The following FAM184B variants were observed in gnomAD, a reference collection of about 807,000 sequenced individuals.
FAM184B encodes family with sequence similarity 184 member B.
Under a neutral mutation model 135.9 loss-of-function variants are expected in FAM184B, and 111 were observed. The observed-to-expected ratio is 0.82, with a 90% confidence interval of 0.70 to 0.96. The LOEUF is 0.96. FAM184B is among the 40% of genes least tolerant of loss of function. FAM184B has a pLI of 0.00. For synonymous variants in FAM184B, 552 were observed against 524.8 expected (o/e 1.05, Z -0.71); for missense variants, 1,375 against 1,323.9 (o/e 1.04, Z -0.60).
chr4:17,713,325 G>A (rs1004847553), intron 1 of FAM184B, among the ~76,000 whole-genome samples: 9 of 152,198 alleles, frequency 5.9e-5, no homozygotes, highest in Non-Finnish European at 5.9e-5. Context: ...ATGGACAGGA[G>A]AAGGAAGTCC....
chr4:17,774,318 A>C (rs1401770972), intron 1 of FAM184B, among the ~76,000 whole-genome samples: 1 of 152,206 alleles, frequency 6.6e-6, no homozygotes, highest in Admixed American at 6.5e-5. Context: ...CAGTGAGCCC[A>C]GATTGTACCA....
chr4:17,742,158 ATATATATATATTT>A (rs1210310350), intron 1 of FAM184B, among the ~76,000 whole-genome samples: 30 of 15,940 alleles, frequency 1.9e-3, no homozygotes, highest in African/African-American at 3.2e-3. Context: ...ATATATATAT[ATATATATATATTT>A]TTTTTTTTTA....
intron 1 of FAM184B, among the ~76,000 whole-genome samples, chr4:17,727,239 C>T (rs754103166): frequency 2.0e-5 from 3 of 152,178 alleles, no homozygotes; most frequent in Non-Finnish European, 4.4e-5. Context: ...TGTACACACA[C>T]AGGGTCATGT....
chr4:17,762,899 C>T (rs1043667650), intron 1 of FAM184B, among the ~76,000 whole-genome samples: 3 of 152,164 alleles, frequency 2.0e-5, no homozygotes, highest in Non-Finnish European at 4.4e-5. Flanking sequence ...TTGGACAGAA[C>T]ACCTACTTCC....
chr4:17,660,255 G>A (rs1715883540), intron 8 of FAM184B, among the ~76,000 whole-genome samples, 168 bp from the exon 9 acceptor site: 1 of 152,166 alleles, frequency 6.6e-6, no homozygotes, highest in Non-Finnish European at 1.5e-5. Flanking sequence ...GCCATATAAA[G>A]TGTATTATTG....
At chr4:17,683,832 T>C (rs945180732) in intron 7 of FAM184B, among the ~76,000 whole-genome samples, 1 of 151,954 alleles carries the variant, frequency 6.6e-6, no homozygotes, top group African/African-American at 2.4e-5. Context: ...TCCCAGCACT[T>C]TGGGAGGTGG....
At chr4:17,690,525 G>A (rs150564201) in intron 6 of FAM184B, among the ~76,000 whole-genome samples, 33 of 152,304 alleles carry the variant, frequency 2.2e-4, no homozygotes, top group African/African-American at 7.7e-4. Context: ...TAGAGAGAAC[G>A]TGGAGGCAGA....
chr4:17,718,337 C>T lies in FAM184B; in HGVS notation c.142-8693G>A, dbSNP rs139092065. Among the ~76,000 whole-genome samples the T allele has an allele frequency of 4.9e-4, 74 of 152,120 alleles. No homozygotes were observed. The East Asian group carries it at 0.012, about 24-fold the overall frequency. On this transcript the variant is annotated intron_variant, in intron 1 of 17. Transcript: ENST00000265018. ...CCAAAGTTAAAAGAGTAGAATCATA[C>T]CTTGTTTAGAAAAAAAAAGCTGGTA...
chr4:17,738,055 G>A (rs1352055399), intron 1 of FAM184B, among the ~76,000 whole-genome samples: 5 of 152,150 alleles, frequency 3.3e-5, no homozygotes, highest in Admixed American at 1.3e-4. Context: ...AATAGACCCT[G>A]ACCCTTGGTC....
In FAM184B at chr4:17,664,481, A is replaced by G. The variant is rs78278434; in HGVS notation, c.1694+81T>C. ...GGAGCAGTGATAAATACTTGAGGAT[A>G]GAATGAATGAATGGATGAATCCTTC... On this transcript the variant is annotated intron_variant, in intron 8 of 17. Transcript: ENST00000265018. 4 of 1,113,696 alleles carry G rather than the reference A, an allele frequency of 3.6e-6. No homozygotes were observed. In the African/African-American group the frequency reaches 6.3e-5, roughly 17 times the overall value. 69.0% of individuals were successfully genotyped at this position (1,113,696 alleles called of 1,614,324 possible). A position where few individuals can be genotyped will look rare whatever the true frequency, so the allele number is the denominator to read the frequency against.
intron 5 of FAM184B, among the ~76,000 whole-genome samples, chr4:17,696,640 T>C (rs1716865638): frequency 6.6e-6 from 1 of 152,128 alleles, no homozygotes. Context: ...AGCGAGACGC[T>C]ATCTCTACGA....
chr4:17,678,041 A>G (rs563620612), intron 7 of FAM184B, among the ~76,000 whole-genome samples: 2 of 152,360 alleles, frequency 1.3e-5, no homozygotes, highest in African/African-American at 4.8e-5. Context: ...AAAGCCATCT[A>G]TGGCAAACTT....
Position 17,636,577 on chromosome 4 carries a change from C to T in FAM184B, c.2735G>A (p.Arg912His), listed in dbSNP as rs370226374. 56 of 1,550,982 alleles carry T rather than the reference C, an allele frequency of 3.6e-5. No individual in the cohort carries two copies. Among genetic ancestry groups the T allele is most frequent in the African/African-American group, 1.5e-4 (11 of 73,026 alleles). ...SRPEDLQLIG[R>H]LQTRLKERED... ...TCTCTCCTTCAGGCGGGTCTGCAGGCGGCCAATGAGCTGAAGGTCCTCGGG... is the reference window on the plus strand; with the variant it reads ...TCTCTCCTTCAGGCGGGTCTGCAGGTGGCCAATGAGCTGAAGGTCCTCGGG... Residue 912 changes from arginine to histidine, a missense_variant, in exon 15 of 18, where the codon CGC (arginine) becomes CAC (histidine). Coordinates refer to ENST00000265018, the MANE Select transcript of FAM184B (RefSeq NM_015688.2).
At position 17,705,657 on chromosome 4, in the gene FAM184B, C is replaced by T; in HGVS notation, c.1170+95G>A. ...CAGGGTCTTCTGATTCCAAGTGGAT[C>T]CACTATGCTTGGGGACTGGCCTCTA... On this transcript the variant is annotated intron_variant, in intron 4 of 17. Transcript: ENST00000265018. 4 of 1,404,154 alleles carry T rather than the reference C, an allele frequency of 2.8e-6. No homozygotes were observed. In the East Asian group the frequency reaches 7.5e-5, roughly 26 times the overall value. 87.0% of individuals were successfully genotyped at this position (1,404,154 alleles called of 1,614,324 possible).
chr4:17,713,599 T>C (rs1214547873), intron 1 of FAM184B, among the ~76,000 whole-genome samples: 5 of 152,214 alleles, frequency 3.3e-5, no homozygotes, highest in Non-Finnish European at 5.9e-5. Context: ...TCTCAGAGGA[T>C]CCTCATGGCA....
chr4:17,633,720 T>A lies in FAM184B; in HGVS notation c.3058A>T (p.Asn1020Tyr). 1 of 1,547,934 alleles carries A rather than the reference T, an allele frequency of 6.5e-7. No homozygotes were observed. Among genetic ancestry groups the A allele is most frequent in the Non-Finnish European group, 8.7e-7 (1 of 1,145,272 alleles). The part of the protein sequence containing the change: ...SPSCGRTYKP[N>Y]QSTDAKTATR... Reference sequence around the variant, plus strand: ...GCAGTTTTTGCATCTGTAGACTGGTTGGGTTTGTAGGTCCGGCCACAGCTG... The same window carrying A: ...GCAGTTTTTGCATCTGTAGACTGGTAGGGTTTGTAGGTCCGGCCACAGCTG... The change falls in exon 17 of 18, where the codon AAC becomes TAC. Residue 1020 changes from asparagine (N) to tyrosine (Y), a missense_variant. By Grantham distance (143) the Asn-to-Tyr change is moderately radical. Coordinates refer to ENST00000265018, the MANE Select transcript of FAM184B (RefSeq NM_015688.2).
At chr4:17,669,783 G>A (rs188076592) in intron 7 of FAM184B, among the ~76,000 whole-genome samples, 10 of 152,178 alleles carry the variant, frequency 6.6e-5, no homozygotes, top group African/African-American at 2.4e-4. Context: ...AGAAACTGAT[G>A]GATTAAGCAG....
intron 1 of FAM184B, among the ~76,000 whole-genome samples, chr4:17,763,392 G>GCA (rs1022949797): frequency 4.0e-5 from 6 of 149,164 alleles, no homozygotes; most frequent in Admixed American, 3.3e-4. Context: ...CTTTCAGAGG[G>GCA]CACACACACA....
chr4:17,657,648 A>AGCT (rs1451361169), intron 10 of FAM184B, among the ~76,000 whole-genome samples: 2 of 128,194 alleles, frequency 1.6e-5, no homozygotes, highest in East Asian at 5.3e-4. Flanking sequence ...TTTGTGGCTG[A>AGCT]GCTGTTCTTT....
Sources: allele counts gnomAD v4.1 joint callset (sites outside exome capture counted in the v4.1 genomes callset), GRCh38; gene constraint gnomAD v4.1.1; transcripts MANE v1.5; gene names NCBI Gene and HGNC (gene_info 2026-07-23, HGNC 2026-07-21).